Variants in ARHGEF26 observed in about 807,000 individuals in gnomAD.
ARHGEF26 encodes Rho guanine nucleotide exchange factor (GEF) 26.
ARHGEF26 carries 59 observed loss-of-function variants against 89.4 expected under a neutral mutation model. The ratio of observed to expected loss-of-function variants is 0.66; its 90% confidence interval spans 0.54 to 0.82. The LOEUF is 0.82. Among genes scored for constraint, ARHGEF26 ranks in the 40% least tolerant of loss-of-function variants. The probability of loss-of-function intolerance (pLI) is 0.00; values close to 1 mark genes in which losing one functional copy is unlikely to be tolerated. For missense variants in ARHGEF26, 1,234 were observed against 1,085.6 expected, an observed-to-expected ratio of 1.14 and a Z score of -1.92; for synonymous variants, 500 against 428.4, an observed-to-expected ratio of 1.17 and a Z score of -2.06.
intron 6 of ARHGEF26, among the ~76,000 whole-genome samples, chr3:154,180,597 T>C (rs868193832): frequency 2.0e-5 from 3 of 151,536 alleles, no homozygotes; most frequent in Non-Finnish European, 4.4e-5. Context: ...TCCTCTAATT[T>C]TGTCATTGGT....
chr3:154,246,281 A>G (rs1717797648), intron 12 of ARHGEF26, among the ~76,000 whole-genome samples: 1 of 152,182 alleles, frequency 6.6e-6, no homozygotes, highest in Non-Finnish European at 1.5e-5. Context: ...CTCTAAGGAA[A>G]CGAATTTAGT....
rs1374155645 is a variant in ARHGEF26 at position 154,223,798 on chromosome 3, A to G, written c.1936-2058A>G. 4.6e-5 allele frequency among the ~76,000 whole-genome samples: 7 copies of G among 152,188 alleles called. No individual in the cohort carries two copies. The South Asian group carries it at 1.2e-3, about 27-fold the overall frequency. ...TATTGAACAATATTATGAACATACT[A>G]GAAACCACTGTATTCTACACCCTTT... On this transcript the variant is annotated intron_variant, in intron 10 of 14. Transcript: ENST00000465093.
intron 6 of ARHGEF26, among the ~76,000 whole-genome samples, chr3:154,162,726 A>G (rs1711743594): frequency 6.6e-6 from 1 of 152,096 alleles, no homozygotes. Context: ...CTGTGATGGA[A>G]GGGTGTCCTG....
chr3:154,245,635 G>A lies in ARHGEF26; in HGVS notation c.2300+5056G>A, dbSNP rs145297162. On this transcript the variant is annotated intron_variant, in intron 12 of 14. Coordinates refer to ENST00000465093, the MANE Select transcript of ARHGEF26 (RefSeq NM_015595.4). ...CTCATCTTGAGAATGCCCAGTGCTC[G>A]CTGTGTGTGCCACTCATTAGTTCAC... is the stretch of plus-strand genomic sequence containing the variant. Among the ~76,000 whole-genome samples, 21 of 152,226 alleles carry A rather than the reference G, an allele frequency of 1.4e-4. No individual in the cohort carries two copies. The East Asian group carries it at 3.1e-3, about 22-fold the overall frequency.
chr3:154,207,342 C>T (rs1207746843), intron 9 of ARHGEF26, among the ~76,000 whole-genome samples: 1 of 152,090 alleles, frequency 6.6e-6, no homozygotes, highest in Non-Finnish European at 1.5e-5. Context: ...GAGAAAATTT[C>T]TGTAATCTAT....
At chr3:154,244,176 A>T (rs776028414) in intron 12 of ARHGEF26, among the ~76,000 whole-genome samples, 1 of 152,192 alleles carries the variant, frequency 6.6e-6, no homozygotes, top group African/African-American at 2.4e-5. Context: ...TGACCTGAAA[A>T]ATAATGAATT....
intron 4 of ARHGEF26, among the ~76,000 whole-genome samples, chr3:154,145,485 T>G (rs1009256193): frequency 2.0e-5 from 3 of 152,172 alleles, no homozygotes; most frequent in Non-Finnish European, 2.9e-5. Context: ...TCAGTATAAA[T>G]TAGTGCTTGA....
chr3:154,244,406 T>G (rs982461544), intron 12 of ARHGEF26, among the ~76,000 whole-genome samples: 1 of 152,138 alleles, frequency 6.6e-6, no homozygotes, highest in South Asian at 2.1e-4. Context: ...ACAGTGAGCA[T>G]CTGGGATATG....
chr3:154,210,609 C>T (rs779662760), intron 9 of ARHGEF26, among the ~76,000 whole-genome samples: 1 of 151,874 alleles, frequency 6.6e-6, no homozygotes, highest in Non-Finnish European at 1.5e-5. Flanking sequence ...GCCACTGCAC[C>T]TGGCCGCCAA....
At chr3:154,247,794 G>A (rs577406433) in intron 12 of ARHGEF26, among the ~76,000 whole-genome samples, 30 of 152,294 alleles carry the variant, frequency 2.0e-4, no homozygotes, top group Non-Finnish European at 3.8e-4. Flanking sequence ...GTACGTCGAA[G>A]TCATGTATAC....
At chr3:154,148,746 G>A (rs1407873357) in intron 4 of ARHGEF26, among the ~76,000 whole-genome samples, 1 of 152,178 alleles carries the variant, frequency 6.6e-6, no homozygotes, top group East Asian at 1.9e-4. Flanking sequence ...CAGCTCTGAA[G>A]GGTTACATTC....
intron 6 of ARHGEF26, among the ~76,000 whole-genome samples, chr3:154,163,856 T>C (rs1328554994): frequency 6.6e-6 from 1 of 152,152 alleles, no homozygotes; most frequent in Non-Finnish European, 1.5e-5. Context: ...CCTAATTGAT[T>C]ATAAAAGTAT....
intron 6 of ARHGEF26, among the ~76,000 whole-genome samples, chr3:154,156,387 A>C (rs548114238): frequency 6.6e-6 from 1 of 152,042 alleles, no homozygotes; most frequent in African/African-American, 2.4e-5. Context: ...TCTATTTTTT[A>C]TTTAAAAAAG....
chr3:154,192,421 C>G (rs967928887), intron 8 of ARHGEF26, among the ~76,000 whole-genome samples: 1 of 152,172 alleles, frequency 6.6e-6, no homozygotes, highest in Non-Finnish European at 1.5e-5. Context: ...GAGCATTTAG[C>G]TGACTGCTGC....
rs1716461051 is a variant in ARHGEF26, at chr3:154,225,974, T to G, written c.2054T>G (p.Leu685Arg). The G allele has an allele frequency of 6.2e-7, 1 of 1,613,184 alleles. No individual in the cohort carries two copies. Among genetic ancestry groups the G allele is most frequent in the Non-Finnish European group, 8.5e-7 (1 of 1,179,542 alleles). ...TCCAAACAGCAAGTCTACTTCTTTC[T>G]CTTTAACGATGTGCTCATTATCACC... ...RTSKQQVYFF[L>R]FNDVLIITKK... is the part of the protein sequence containing the mutation. Residue 685 changes from leucine (L) to arginine (R), a missense_variant, in exon 11 of 15, where the codon CTC becomes CGC. Leu to Arg is a moderately radical substitution (Grantham distance 102, BLOSUM62 -2). Transcript: ENST00000465093.
Position 154,253,201 on chromosome 3 carries a change from G to A in ARHGEF26, c.2368+18G>A, listed in dbSNP as rs764672179. 6.2e-7 allele frequency: 1 copy of A among 1,613,910 alleles called. No homozygotes were observed. The highest frequency in any genetic ancestry group is 8.5e-7 in the Non-Finnish European group (1 of 1,179,828). On this transcript the variant is annotated intron_variant, in intron 13 of 14. Coordinates refer to ENST00000465093, the MANE Select transcript of ARHGEF26 (RefSeq NM_015595.4). ...CCGAACCTGTAAGTTCTCTCAAGGG[G>A]AAGCCCACTTGGGAACATGGATGGG...
intron 9 of ARHGEF26, among the ~76,000 whole-genome samples, chr3:154,210,030 C>T (rs776402162): frequency 5.3e-5 from 8 of 152,196 alleles, no homozygotes; most frequent in Non-Finnish European, 1.2e-4. Context: ...GCCACCACCA[C>T]CCCAGGCCAC....
intron 9 of ARHGEF26, among the ~76,000 whole-genome samples, chr3:154,202,007 A>C (rs1714673743): frequency 6.6e-6 from 1 of 151,952 alleles, no homozygotes; most frequent in Admixed American, 6.6e-5. Flanking sequence ...TCTTTAGTTT[A>C]ATTAGATCCC....
chr3:154,254,784 G>A lies in ARHGEF26; in HGVS notation c.2433G>A (p.Gln811=), dbSNP rs758884008. The A allele has an allele frequency of 2.5e-6, 4 of 1,613,870 alleles. No individual in the cohort carries two copies. The Admixed American group carries it at 5.0e-5, about 20-fold the overall frequency. The change falls in exon 14 of 15, where the codon CAG becomes CAA. Residue 811 remains glutamine, a synonymous_variant. Coordinates refer to ENST00000465093, the MANE Select transcript of ARHGEF26 (RefSeq NM_015595.4). ...TAKQPDELSL[Q]VADVVLIYQR... is the part of the protein sequence containing the mutation. ...AGCAGCCAGATGAACTCTCCCTGCA[G>A]GTGGCTGACGTCGTCCTCATCTATC...
Sources: allele counts gnomAD v4.1 joint callset (sites outside exome capture counted in the v4.1 genomes callset), GRCh38; gene constraint gnomAD v4.1.1; transcripts MANE v1.5; gene names NCBI Gene and HGNC (gene_info 2026-07-23, HGNC 2026-07-21).